Variants in STX7 observed in about 807,000 individuals in gnomAD.
STX7 encodes the protein syntaxin 7, also known as syntaxin-7.
A neutral mutation model predicts 39.6 loss-of-function variants in STX7; 34 were observed. That is an observed-to-expected ratio of 0.86 (90% CI 0.65 to 1.14). STX7 has a LOEUF of 1.14. STX7 is among the 50% of genes most tolerant of loss of function. The pLI, the probability that STX7 is intolerant of heterozygous loss-of-function variation, is 0.00. For missense variants in STX7, 284 were observed against 310.4 expected, an observed-to-expected ratio of 0.92 and a Z score of 0.64; for synonymous variants, 119 against 99.1, an observed-to-expected ratio of 1.20 and a Z score of -1.19.
chr6:132,474,870 G>A (rs765407828), intron 3 of STX7, among the ~76,000 whole-genome samples: 8 of 151,776 alleles, frequency 5.3e-5, no homozygotes, highest in African/African-American at 1.5e-4. Context: ...TTTTTTAAAC[G>A]GAAGCTAATG....
In STX7 at chr6:132,449,831, T is replaced by C. The variant is rs988019215; in HGVS notation, c.*10927A>G. ...ACTTCTGCTAATTGCAATACCTGAA[T>C]TCCTTGAATATCTAAATCTACTGTT... On this transcript the variant is annotated 3_prime_UTR_variant, in exon 10 of 10. Coordinates refer to ENST00000367941, the MANE Select transcript of STX7 (RefSeq NM_003569.3). 6 of 152,230 alleles carry C rather than the reference T, an allele frequency of 3.9e-5. No individual in the cohort carries two copies. Among genetic ancestry groups the C allele is most frequent in the Admixed American group, 2.6e-4 (4 of 15,284 alleles). The allele number at this position is 152,230 out of a possible 1,614,324, so 9.4% of individuals were successfully genotyped here.
intron 2 of STX7, among the ~76,000 whole-genome samples, chr6:132,479,658 T>C (rs948261115): frequency 6.6e-6 from 1 of 152,184 alleles, no homozygotes; most frequent in Admixed American, 6.5e-5. Flanking sequence ...AAAAGCCACA[T>C]ATAGACTCAA....
intron 2 of STX7, among the ~76,000 whole-genome samples, chr6:132,492,378 A>C (rs995837932): frequency 3.9e-5 from 6 of 152,314 alleles, no homozygotes; most frequent in Admixed American, 3.3e-4. Context: ...GTAACACTTA[A>C]CATCTCCTTC....
rs567876289 is a variant in STX7, at chr6:132,452,419, G to C, written c.*8339C>G. On this transcript the variant is annotated 3_prime_UTR_variant, in exon 10 of 10. Coordinates refer to ENST00000367941, the MANE Select transcript of STX7 (RefSeq NM_003569.3). ...TGAAAGGAAAAAAAAAAGGAATATA[G>C]GTCAGAAATGAAGAGATAAAACTAT... 9 of 151,438 alleles carry C rather than the reference G, an allele frequency of 5.9e-5. No homozygotes were observed. In the East Asian group the frequency reaches 1.6e-3, roughly 26 times the overall value. The allele number at this position is 151,438 out of a possible 1,614,324, so 9.4% of individuals were successfully genotyped here. A position where few individuals can be genotyped will look rare whatever the true frequency, so the allele number is the denominator to read the frequency against.
chr6:132,503,675 A>C, intron 1 of STX7, 87 bp from the exon 2 acceptor site: 1 of 576,768 alleles, frequency 1.7e-6, no homozygotes, highest in South Asian at 2.2e-5. Context: ...TTACAAGGAC[A>C]AACTTGATTA....
At position 132,491,999 on chromosome 6, in the gene STX7, T is replaced by TC. The variant is rs1437885922; in HGVS notation, c.85+11446dup. 3.9e-5 allele frequency among the ~76,000 whole-genome samples: 6 copies of TC among 152,198 alleles called. No individual in the cohort carries two copies. The East Asian group carries it at 1.2e-3, about 29-fold the overall frequency. On this transcript the variant is annotated intron_variant, in intron 2 of 9. Transcript: ENST00000367941. Reference sequence around the variant, plus strand: ...GACAAAATCTAAAATTCTGGTTGAGTCCAACATTGCACTGCCTCTGCACCA... The same window carrying TC: ...GACAAAATCTAAAATTCTGGTTGAGTCCCAACATTGCACTGCCTCTGCACCA...
At chr6:132,497,799 G>T (rs1775453373) in intron 2 of STX7, among the ~76,000 whole-genome samples, 2 of 152,188 alleles carry the variant, frequency 1.3e-5, no homozygotes, top group African/African-American at 4.8e-5. Flanking sequence ...ACAGCTAGGA[G>T]TATGTCTGAC....
Position 132,450,882 on chromosome 6 carries a change from A to G in STX7, c.*9876T>C, listed in dbSNP as rs1302509631. ...GTTCTTGAAAAAAATGACAGCTGAA[A>G]ACTCCCCAAAATTGGCAAAAGACAT... On this transcript the variant is annotated 3_prime_UTR_variant, in exon 10 of 10. Transcript: ENST00000367941. 1 of 152,086 alleles carries G rather than the reference A, an allele frequency of 6.6e-6. No homozygotes were observed. Among genetic ancestry groups the G allele is most frequent in the Admixed American group, 6.6e-5 (1 of 15,248 alleles). 9.4% of individuals were successfully genotyped at this position (152,086 alleles called of 1,614,324 possible). A position where few individuals can be genotyped will look rare whatever the true frequency, so the allele number is the denominator to read the frequency against.
At position 132,450,454 on chromosome 6, in the gene STX7, C is replaced by T. The variant is rs927902044; in HGVS notation, c.*10304G>A. On this transcript the variant is annotated 3_prime_UTR_variant, in exon 10 of 10. Transcript: ENST00000367941. ...TTATGTCTTCTGTTTTTTTCCAAAT[C>T]GGTTTCACCAAGTTATGTGTACTTT... The T allele has an allele frequency of 6.6e-6, 1 of 151,352 alleles. No homozygotes were observed. Among genetic ancestry groups the T allele is most frequent in the Non-Finnish European group, 1.5e-5 (1 of 67,918 alleles). The allele number at this position is 151,352 out of a possible 1,614,324, so 9.4% of individuals were successfully genotyped here. A position where few individuals can be genotyped will look rare whatever the true frequency, so the allele number is the denominator to read the frequency against.
chr6:132,489,074 C>A (rs938836355), intron 2 of STX7, among the ~76,000 whole-genome samples: 1 of 151,926 alleles, frequency 6.6e-6, no homozygotes, highest in East Asian at 1.9e-4. Flanking sequence ...TGGTGGCACA[C>A]CCCTGTAGTC....
chr6:132,468,440 A>G lies in STX7; in HGVS notation c.573T>C (p.Asp191=). The G allele has an allele frequency of 6.2e-7, 1 of 1,606,986 alleles. No homozygotes were observed. Residue 191 remains aspartate (D), a synonymous_variant, in exon 8 of 10, where the codon GAT becomes GAC. Transcript: ENST00000367941. The part of the protein sequence containing the change: ...DIMDINEIFK[D]LGMMIHEQGD... The stretch of plus-strand genomic sequence containing the variant: ...CTTGTTCATGAATCATCATTCCCAA[A>G]TCTTTAAATATTTCATTAATATCCA...
chr6:132,476,416 T>G (rs891897055), intron 2 of STX7, among the ~76,000 whole-genome samples: 1 of 152,008 alleles, frequency 6.6e-6, no homozygotes, highest in African/African-American at 2.4e-5. Context: ...CGAGATAACT[T>G]GCCTGGGCAT....
At chr6:132,476,425 A>G (rs1382712530) in intron 2 of STX7, among the ~76,000 whole-genome samples, 1 of 152,164 alleles carries the variant, frequency 6.6e-6, no homozygotes. Flanking sequence ...TTGCCTGGGC[A>G]TTTAAAGACG....
intron 8 of STX7, among the ~76,000 whole-genome samples, chr6:132,466,378 G>C (rs761205925): frequency 2.6e-5 from 4 of 152,078 alleles, no homozygotes; most frequent in Non-Finnish European, 5.9e-5. Flanking sequence ...TCAACTGTCT[G>C]GGCTCTAAAT....
At position 132,448,903 on chromosome 6, in the gene STX7, T is replaced by G. The variant is rs1774080639; in HGVS notation, c.*11855A>C. 1 of 151,854 alleles carries G rather than the reference T, an allele frequency of 6.6e-6. No homozygotes were observed. Among genetic ancestry groups the G allele is most frequent in the Non-Finnish European group, 1.5e-5 (1 of 67,962 alleles). 9.4% of individuals were successfully genotyped at this position (151,854 alleles called of 1,614,324 possible). A position where few individuals can be genotyped will look rare whatever the true frequency, so the allele number is the denominator to read the frequency against. The stretch of plus-strand genomic sequence containing the variant: ...TCCTTTAAAAGTGGATAAGTTATTC[T>G]GGCTGCTTTTAAGATATCTTTGCCT... On this transcript the variant is annotated 3_prime_UTR_variant, in exon 10 of 10. Coordinates refer to ENST00000367941, the MANE Select transcript of STX7 (RefSeq NM_003569.3).
In STX7 at chr6:132,457,740, C is replaced by T. The variant is rs1774277655; in HGVS notation, c.*3018G>A. On this transcript the variant is annotated 3_prime_UTR_variant, in exon 10 of 10. Coordinates refer to ENST00000367941, the MANE Select transcript of STX7 (RefSeq NM_003569.3). Reference sequence around the variant, plus strand: ...TGAATTTTTATCATATTTAAATGAACTTGAAAATGTCATTCAACTCAAATC... The same window carrying T: ...TGAATTTTTATCATATTTAAATGAATTTGAAAATGTCATTCAACTCAAATC... 1 of 151,978 alleles carries T rather than the reference C, an allele frequency of 6.6e-6. No homozygotes were observed. The highest frequency in any genetic ancestry group is 2.4e-5 in the African/African-American group (1 of 41,362). 9.4% of individuals were successfully genotyped at this position (151,978 alleles called of 1,614,324 possible).
chr6:132,497,072 A>T (rs899337329), intron 2 of STX7, among the ~76,000 whole-genome samples: 6 of 152,214 alleles, frequency 3.9e-5, no homozygotes, highest in Non-Finnish European at 7.4e-5. Flanking sequence ...ATATCCTATG[A>T]GCCAGTAACC....
At chr6:132,486,069 C>T (rs1002306983) in intron 2 of STX7, among the ~76,000 whole-genome samples, 7 of 152,154 alleles carry the variant, frequency 4.6e-5, no homozygotes, top group African/African-American at 1.7e-4. Flanking sequence ...CAGATACTTA[C>T]TAAATTGACT....
chr6:132,468,690 T>G (rs573992777), intron 7 of STX7, among the ~76,000 whole-genome samples: 42 of 150,444 alleles, frequency 2.8e-4, no homozygotes, highest in African/African-American at 1.0e-3. Flanking sequence ...AAAATCAGTT[T>G]GTGGCATTAA....
Sources: allele counts gnomAD v4.1 joint callset (sites outside exome capture counted in the v4.1 genomes callset), GRCh38; gene constraint gnomAD v4.1.1; transcripts MANE v1.5; gene names NCBI Gene and HGNC (gene_info 2026-07-23, HGNC 2026-07-21).